The following RP1 variants were observed in gnomAD, a reference collection of about 807,000 sequenced individuals.
RP1 encodes oxygen-regulated protein 1.
RP1 carries 16 observed loss-of-function variants against 14.8 expected under a neutral mutation model. The observed-to-expected ratio is 1.08, with a 90% confidence interval of 0.73 to 1.65. RP1 has a LOEUF of 1.65. RP1 is among the 40% of genes most tolerant of loss of function. The pLI is 0.00. For missense variants in RP1, 2,631 were observed against 2,535.0 expected (o/e 1.04, Z -0.81); for synonymous variants, 876 against 883.6 (o/e 0.99, Z 0.15).
chr8:54,573,594 A>G (rs923377173), intron 1 of RP1, among the ~76,000 whole-genome samples: 1 of 152,230 alleles, frequency 6.6e-6, no homozygotes. Flanking sequence ...AAATTATTTT[A>G]GAATTTTCCG....
chr8:54,747,061 C>G (rs1809242517), intron 19 of RP1, among the ~76,000 whole-genome samples: 1 of 152,060 alleles, frequency 6.6e-6, no homozygotes, highest in Admixed American at 6.6e-5. Flanking sequence ...TGAAACATAC[C>G]TCAATTTTGT....
chr8:54,646,346 T>C (rs1170408028), intron 3 of RP1, among the ~76,000 whole-genome samples: 1 of 152,004 alleles, frequency 6.6e-6, no homozygotes, highest in Non-Finnish European at 1.5e-5. Context: ...ATTCATTATG[T>C]TAGTTTTTCT....
chr8:54,818,087 T>C (rs1210827775), intron 24 of RP1, among the ~76,000 whole-genome samples: 2 of 152,216 alleles, frequency 1.3e-5, no homozygotes, highest in Non-Finnish European at 2.9e-5. Context: ...GCTTTTTAAA[T>C]TTGCAAATAT....
At chr8:54,830,070 G>A (rs550074247) in intron 24 of RP1, among the ~76,000 whole-genome samples, 31 of 152,228 alleles carry the variant, frequency 2.0e-4, no homozygotes, top group South Asian at 1.0e-3. Context: ...AGTATTGATA[G>A]TGTTCTATAT....
chr8:54,844,230 A>G (rs780041694), intron 25 of RP1, among the ~76,000 whole-genome samples: 1 of 151,974 alleles, frequency 6.6e-6, no homozygotes, highest in Non-Finnish European at 1.5e-5. Flanking sequence ...CCTTCATACC[A>G]CCTTCTCTAA....
downstream of RP1, among the ~76,000 whole-genome samples, chr8:54,633,758 T>C (rs1035574715): frequency 2.7e-5 from 4 of 149,210 alleles, no homozygotes; most frequent in Non-Finnish European, 4.5e-5. Context: ...TATATATATA[T>C]ATGAAATGTA....
chr8:54,635,116 AT>A (rs1441790163), downstream of RP1, among the ~76,000 whole-genome samples: 4 of 151,952 alleles, frequency 2.6e-5, no homozygotes, highest in African/African-American at 9.6e-5. Flanking sequence ...TACAATGATT[AT>A]TTTTTTATCA....
At chr8:54,677,868 C>A (rs570260650) in intron 8 of RP1, among the ~76,000 whole-genome samples, 4 of 152,038 alleles carry the variant, frequency 2.6e-5, no homozygotes, top group Non-Finnish European at 5.9e-5. Flanking sequence ...CCACTATGAC[C>A]AATTAAAATA....
At chr8:54,810,531 TA>T (rs779179951) in intron 24 of RP1, among the ~76,000 whole-genome samples, 16 of 152,236 alleles carry the variant, frequency 1.1e-4, no homozygotes, top group Non-Finnish European at 1.9e-4. Context: ...TATATTGAAT[TA>T]TTTTTTTCCT....
chr8:54,740,904 C>A (rs1809066822), intron 19 of RP1, among the ~76,000 whole-genome samples: 1 of 150,244 alleles, frequency 6.7e-6, no homozygotes, highest in South Asian at 2.1e-4. Context: ...GGCGTGGTGG[C>A]AGGCGCCTGT....
intron 8 of RP1, chr8:54,674,006 T>A: frequency 1.7e-6 from 2 of 1,154,528 alleles, no homozygotes; most frequent in Non-Finnish European, 2.5e-6. Context: ...ATCTAGAAAA[T>A]ACTGTGGAAA....
In RP1 at chr8:54,709,630, A is replaced by T. The variant is rs566349487; in HGVS notation, c.2211+2975A>T. The stretch of plus-strand genomic sequence containing the variant: ...AAGAGCATAAATGAGTTGGTTACAC[A>T]GAATTTGATATACAGAACATTAAAA... On this transcript the variant is annotated intron_variant, in intron 15 of 22. Coordinates refer to the RP1 transcript ENST00000636932. 2.6e-5 allele frequency among the ~76,000 whole-genome samples: 4 copies of T among 152,386 alleles called. No individual in the cohort carries two copies. In the South Asian group the frequency reaches 8.3e-4, roughly 32 times the overall value.
At chr8:54,704,332 CGA>C (rs1808099165) in intron 14 of RP1, among the ~76,000 whole-genome samples, 1 of 151,932 alleles carries the variant, frequency 6.6e-6, no homozygotes, top group African/African-American at 2.4e-5. Context: ...AATAGAGAGG[CGA>C]GAGAGAGATA....
At chr8:54,569,914 C>G (rs1804485308) in intron 1 of RP1, among the ~76,000 whole-genome samples, 1 of 152,180 alleles carries the variant, frequency 6.6e-6, no homozygotes, top group Non-Finnish European at 1.5e-5. Flanking sequence ...AGGAAAGGTT[C>G]CCTCTCAGTC....
rs190027967 is a variant in RP1 at position 54,811,525 on chromosome 8, C to T, written c.3616-25925C>T. Among the ~76,000 whole-genome samples, 497 of 152,272 alleles carry T rather than the reference C, an allele frequency of 3.3e-3. 1 individual carries two copies. The highest frequency in any genetic ancestry group is 3.1e-3 in the Non-Finnish European group (213 of 68,030). On this transcript the variant is annotated intron_variant, in intron 24 of 28. Transcript: ENST00000637698. The stretch of plus-strand genomic sequence containing the variant: ...TAATTAACATTTTAAGATCTGCAAC[C>T]ATTTCTGAGCTGTATGCTCTGGGAG...
At chr8:54,807,632 G>GTCTATCTA (rs145286591) in intron 24 of RP1, among the ~76,000 whole-genome samples, 121 of 125,054 alleles carry the variant, frequency 9.7e-4, no homozygotes, top group Admixed American at 2.2e-3. Flanking sequence ...CTGTCTGTCT[G>GTCTATCTA]TCTATCTATC....
At chr8:54,865,574 A>T (rs745958798) in intron 27 of RP1, among the ~76,000 whole-genome samples, 1 of 151,992 alleles carries the variant, frequency 6.6e-6, no homozygotes, top group Non-Finnish European at 1.5e-5. Flanking sequence ...TTCTTGGCTC[A>T]TGTGTTTTTA....
chr8:54,736,488 C>G (rs1808925492), intron 18 of RP1, among the ~76,000 whole-genome samples: 1 of 152,120 alleles, frequency 6.6e-6, no homozygotes, highest in Non-Finnish European at 1.5e-5. Flanking sequence ...AAAAGCCTTG[C>G]TGTGTAGTTT....
intron 15 of RP1, among the ~76,000 whole-genome samples, chr8:54,715,670 T>G (rs1336573464): frequency 6.6e-6 from 1 of 152,166 alleles, no homozygotes; most frequent in Non-Finnish European, 1.5e-5. Flanking sequence ...ATGGTGAATT[T>G]TAGAGCAAGA....
Sources: allele counts gnomAD v4.1 joint callset (sites outside exome capture counted in the v4.1 genomes callset), GRCh38; gene constraint gnomAD v4.1.1; transcripts MANE v1.5; gene names NCBI Gene and HGNC (gene_info 2026-07-23, HGNC 2026-07-21).